Variants in ZNF189 observed in about 807,000 individuals in gnomAD.
The protein encoded by ZNF189 is zinc finger protein 189.
In ZNF189, 33 loss-of-function variants were observed where a neutral mutation model predicts 53.5. The ratio of observed to expected loss-of-function variants is 0.62; its 90% confidence interval spans 0.47 to 0.82. The LOEUF is 0.82. Ranked by LOEUF, ZNF189 falls within the 40% of genes least tolerant of loss-of-function variation. The pLI is 0.00. For synonymous variants in ZNF189, 247 were observed against 238.8 expected (o/e 1.03, Z -0.32); for missense variants, 711 against 753.9 (o/e 0.94, Z 0.67).
At position 101,408,930 on chromosome 9, in the gene ZNF189, A is replaced by G. The variant is rs1830828228; in HGVS notation, c.1162A>G (p.Thr388Ala). 1.9e-6 allele frequency: 3 copies of G among 1,613,724 alleles called. No homozygotes were observed. Residue 388 changes from threonine to alanine, a missense_variant, in exon 3 of 3, where the codon ACT (threonine) becomes GCT (alanine). Thr to Ala is a moderately conservative substitution (Grantham distance 58, BLOSUM62 0). Coordinates refer to ENST00000339664, the MANE Select transcript of ZNF189 (RefSeq NM_003452.4). ...GKSFSQLCNLTRHQRIHTGDK... is the reference protein window; with the variant it reads ...GKSFSQLCNLARHQRIHTGDK... The stretch of plus-strand genomic sequence containing the variant: ...AAGTTTCAGTCAGCTTTGCAACCTT[A>G]CTCGTCATCAGAGAATTCACACAGG...
chr9:101,399,105 C>G lies in ZNF189; in HGVS notation c.-52C>G. On this transcript the variant is annotated 5_prime_UTR_variant, in exon 1 of 3. Transcript: ENST00000339664. ...GCAGCCGGGTAGGCCTCACCAGAGG[C>G]TCCTTTCCGTGAGGCCGCCCCCAAT... The G allele has an allele frequency of 7.3e-7, 1 of 1,362,196 alleles. No homozygotes were observed. The highest frequency in any genetic ancestry group is 1.0e-6 in the Non-Finnish European group (1 of 953,042). 84.4% of individuals were successfully genotyped at this position (1,362,196 alleles called of 1,614,324 possible).
Position 101,400,454 on chromosome 9 carries a change from A to C in ZNF189, c.160+444A>C, listed in dbSNP as rs148949797. Among the ~76,000 whole-genome samples the C allele has an allele frequency of 1.6e-3, 236 of 152,196 alleles. 2 individuals are homozygous for C. The highest frequency in any genetic ancestry group is 5.4e-3 in the African/African-American group (224 of 41,518). On this transcript the variant is annotated intron_variant, in intron 2 of 2. Coordinates refer to ENST00000339664, the MANE Select transcript of ZNF189 (RefSeq NM_003452.4). ...TCCTCCTTCCCCATCCTTTGTCTCA[A>C]TGTTGGAAGGGGGAAGTTATTGTTC...
chr9:101,408,158 C>G lies in ZNF189; in HGVS notation c.390C>G (p.Phe130Leu), dbSNP rs1830782098. The G allele has an allele frequency of 6.2e-7, 1 of 1,613,838 alleles. No homozygotes were observed. Among genetic ancestry groups the G allele is most frequent in the African/African-American group, 1.3e-5 (1 of 74,880 alleles). ...RESLTQEQRMFRENTNIIRKR... is the reference protein window; with the variant it reads ...RESLTQEQRMLRENTNIIRKR... ...CTTTGACCCAGGAACAGAGAATGTT[C>G]AGAGAAAACACTAACATTATCCGTA... The change falls in exon 3 of 3, where the codon TTC becomes TTG. Residue 130 changes from phenylalanine to leucine, a missense_variant. By Grantham distance (22) the Phe-to-Leu change is conservative. Transcript: ENST00000339664.
In ZNF189 at chr9:101,409,839, C is replaced by T. The variant is rs930416623; in HGVS notation, c.*190C>T. 1.9e-5 allele frequency: 11 copies of T among 589,030 alleles called. No individual in the cohort carries two copies. Among genetic ancestry groups the T allele is most frequent in the African/African-American group, 5.7e-5 (3 of 52,936 alleles). The allele number at this position is 589,030 out of a possible 1,614,324, so 36.5% of individuals were successfully genotyped here. Reference sequence around the variant, plus strand: ...TTGACTTCCCTTACTCTTTGATGATCGTAGAGAAAGACTTGGTAATTTATC... The same window carrying T: ...TTGACTTCCCTTACTCTTTGATGATTGTAGAGAAAGACTTGGTAATTTATC... On this transcript the variant is annotated 3_prime_UTR_variant, in exon 3 of 3. Transcript: ENST00000339664.
chr9:101,409,705 T>G lies in ZNF189; in HGVS notation c.*56T>G, dbSNP rs1830870523. The stretch of plus-strand genomic sequence containing the variant: ...TTGAGACTAGTACCCAAGTGCAGTT[T>G]TAGTATGGCTCAACATGGGTCAGAT... On this transcript the variant is annotated 3_prime_UTR_variant, in exon 3 of 3. Transcript: ENST00000339664. The G allele has an allele frequency of 7.2e-6, 11 of 1,526,882 alleles. No homozygotes were observed. The highest frequency in any genetic ancestry group is 9.6e-6 in the Non-Finnish European group (11 of 1,143,060). 94.6% of individuals were successfully genotyped at this position (1,526,882 alleles called of 1,614,324 possible). A position where few individuals can be genotyped will look rare whatever the true frequency, so the allele number is the denominator to read the frequency against.
intron 2 of ZNF189, among the ~76,000 whole-genome samples, chr9:101,405,597 G>A (rs957143714): frequency 2.6e-5 from 4 of 152,036 alleles, no homozygotes; most frequent in Non-Finnish European, 5.9e-5. Flanking sequence ...GTAAATGTGG[G>A]TAACAATAAC....
chr9:101,399,415 T>A, intron 1 of ZNF189: 1 of 1,362,546 alleles, frequency 7.3e-7, no homozygotes, highest in Non-Finnish European at 9.4e-7. Context: ...TAAATCGGCC[T>A]GAGAAAATAA....
chr9:101,402,521 A>G (rs996109999), intron 2 of ZNF189, among the ~76,000 whole-genome samples: 10 of 152,152 alleles, frequency 6.6e-5, no homozygotes, highest in African/African-American at 2.2e-4. Context: ...TCTTTTGAAG[A>G]CCACATGAGT....
Position 101,409,805 on chromosome 9 carries a change from C to T in ZNF189, c.*156C>T. ...ATTCTGTGAATAGTGGACAACTGCC[C>T]ATGAGCATTTGACTTCCCTTACTCT... On this transcript the variant is annotated 3_prime_UTR_variant, in exon 3 of 3. Coordinates refer to ENST00000339664, the MANE Select transcript of ZNF189 (RefSeq NM_003452.4). The T allele has an allele frequency of 2.6e-6, 2 of 782,804 alleles. No individual in the cohort carries two copies. Among genetic ancestry groups the T allele is most frequent in the Non-Finnish European group, 1.9e-6 (1 of 513,260 alleles). 48.5% of individuals were successfully genotyped at this position (782,804 alleles called of 1,614,324 possible). A position where few individuals can be genotyped will look rare whatever the true frequency, so the allele number is the denominator to read the frequency against.
Position 101,408,662 on chromosome 9 carries a change from T to C in ZNF189, c.894T>C (p.Ser298=), listed in dbSNP as rs1182162940. ...YHCTKCKKSF[S]RNSLLVEHQR... ...GTACCAAATGTAAGAAGAGCTTTAGTCGAAATTCATTGCTTGTTGAGCATC... is the reference window on the plus strand; with the variant it reads ...GTACCAAATGTAAGAAGAGCTTTAGCCGAAATTCATTGCTTGTTGAGCATC... Residue 298 remains serine (S), a synonymous_variant, in exon 3 of 3, where the codon AGT becomes AGC. Coordinates refer to ENST00000339664, the MANE Select transcript of ZNF189 (RefSeq NM_003452.4). The C allele has an allele frequency of 2.5e-6, 4 of 1,613,974 alleles. No individual in the cohort carries two copies. The East Asian group carries it at 6.7e-5, about 27-fold the overall frequency.
chr9:101,402,466 T>C (rs762744236), intron 2 of ZNF189, among the ~76,000 whole-genome samples: 39 of 152,360 alleles, frequency 2.6e-4, no homozygotes, highest in Non-Finnish European at 5.4e-4. Flanking sequence ...TGTTGACTTA[T>C]ATTGTTGTCA....
chr9:101,408,382 A>C lies in ZNF189; in HGVS notation c.614A>C (p.Glu205Ala), dbSNP rs976967023. 1 of 1,614,010 alleles carries C rather than the reference A, an allele frequency of 6.2e-7. No homozygotes were observed. Among genetic ancestry groups the C allele is most frequent in the Admixed American group, 1.7e-5 (1 of 60,010 alleles). Residue 205 changes from glutamate (E) to alanine (A), a missense_variant, in exon 3 of 3, where the codon GAG becomes GCG. Coordinates refer to ENST00000339664, the MANE Select transcript of ZNF189 (RefSeq NM_003452.4). ...ATTCACACTGGGGAAAGGCCCTATG[A>C]GTGTAATTACTGTGGAAAAACCTTT... is the stretch of plus-strand genomic sequence containing the variant. ...QRIHTGERPY[E>A]CNYCGKTFSV...
rs1014484930 is a variant in ZNF189 at position 101,409,291 on chromosome 9, G to C, written c.1523G>C (p.Gly508Ala). ...ATTGAACATCAGAGAATCCACACTGGTGAGAGACCCTATCTGTGCAGACAG... is the reference window on the plus strand; with the variant it reads ...ATTGAACATCAGAGAATCCACACTGCTGAGAGACCCTATCTGTGCAGACAG... ...FLIEHQRIHT[G>A]ERPYLCRQCG... The change falls in exon 3 of 3, where the codon GGT (glycine) becomes GCT (alanine). Residue 508 changes from glycine (G) to alanine (A), a missense_variant. Physicochemically the swap from Gly to Ala is moderately conservative, Grantham distance 60. Coordinates refer to ENST00000339664, the MANE Select transcript of ZNF189 (RefSeq NM_003452.4). The C allele has an allele frequency of 1.2e-6, 2 of 1,614,060 alleles. No individual in the cohort carries two copies. The highest frequency in any genetic ancestry group is 1.3e-5 in the African/African-American group (1 of 74,926).
chr9:101,406,220 G>A (rs1429191486), intron 2 of ZNF189, among the ~76,000 whole-genome samples: 2 of 152,032 alleles, frequency 1.3e-5, no homozygotes, highest in Non-Finnish European at 2.9e-5. Flanking sequence ...AGAAAACCTC[G>A]GTGTTAAGAT....
At chr9:101,401,933 A>G (rs558368933) in intron 2 of ZNF189, among the ~76,000 whole-genome samples, 269 of 144,096 alleles carry the variant, frequency 1.9e-3, no homozygotes, top group Admixed American at 3.9e-3. Flanking sequence ...TTTTTTTTTC[A>G]AGTCATAGCC....
Position 101,403,528 on chromosome 9 carries a change from CT to C in ZNF189, c.160+3522del, listed in dbSNP as rs373288874. Among the ~76,000 whole-genome samples, 281 of 152,234 alleles carry C rather than the reference CT, an allele frequency of 1.8e-3. 1 individual carries two copies. Among genetic ancestry groups the C allele is most frequent in the Non-Finnish European group, 3.2e-3 (217 of 68,008 alleles). On this transcript the variant is annotated intron_variant, in intron 2 of 2. Coordinates refer to ENST00000339664, the MANE Select transcript of ZNF189 (RefSeq NM_003452.4). ...TTATAGTTTTGGCTTTTCATTCATA[CT>C]TTTCCTTTTCAAGCTTATTTTTAAA... is the stretch of plus-strand genomic sequence containing the variant.
chr9:101,399,796 C>A, intron 1 of ZNF189, 88 bp from the exon 2 acceptor site: 2 of 1,585,832 alleles, frequency 1.3e-6, no homozygotes. Context: ...GCCTACTTGG[C>A]CACAATAAGT....
In ZNF189 at chr9:101,408,808, T is replaced by C. The variant is rs749317466; in HGVS notation, c.1040T>C (p.Ile347Thr). The C allele has an allele frequency of 4.3e-6, 7 of 1,613,984 alleles. No homozygotes were observed. In the East Asian group the frequency reaches 1.3e-4, roughly 31 times the overall value. ...IHTGEKPFLCIECGKSFSRSS... is the reference protein window; with the variant it reads ...IHTGEKPFLCTECGKSFSRSS... ...ACTGGCGAGAAGCCTTTTCTTTGTATTGAGTGTGGAAAAAGTTTCAGTCGG... is the reference window on the plus strand; with the variant it reads ...ACTGGCGAGAAGCCTTTTCTTTGTACTGAGTGTGGAAAAAGTTTCAGTCGG... The change falls in exon 3 of 3, where the codon ATT (isoleucine) becomes ACT (threonine). Residue 347 changes from isoleucine (I) to threonine (T), a missense_variant. Physicochemically the swap from Ile to Thr is moderately conservative, Grantham distance 89. Transcript: ENST00000339664.
At chr9:101,407,338 G>A (rs761029756) in intron 2 of ZNF189, 3 of 396,874 alleles carry the variant, frequency 7.6e-6, no homozygotes, top group Non-Finnish European at 8.9e-6. Context: ...ATGAATTATT[G>A]TTTCCCCTGG....
Sources: gnomAD v4.1 joint callset for allele counts (sites outside exome capture counted in the v4.1 genomes callset) on GRCh38, gnomAD v4.1.1 for gene constraint, MANE v1.5 for transcripts, NCBI Gene and HGNC (gene_info 2026-07-23, HGNC 2026-07-21) for gene names.